Variants in CRY1 observed in about 807,000 individuals in gnomAD.
CRY1 encodes the protein cryptochrome circadian regulator 1, also known as cryptochrome-1.
CRY1 carries 45 observed loss-of-function variants against 76.0 expected under a neutral mutation model. The observed-to-expected ratio is 0.59, with a 90% CI of 0.47 to 0.76. The LOEUF is 0.76. Ranked by LOEUF, CRY1 falls within the 30% of genes least tolerant of loss-of-function variation. The probability of loss-of-function intolerance (pLI) is 0.00; values close to 1 mark genes in which losing one functional copy is unlikely to be tolerated. For synonymous variants in CRY1, 248 were observed against 244.0 expected, an observed-to-expected ratio of 1.02 and a Z score of -0.15; for missense variants, 587 against 716.4, an observed-to-expected ratio of 0.82 and a Z score of 2.06.
chr12:107,046,292 CAA>C (rs35146852), intron 1 of CRY1, among the ~76,000 whole-genome samples: 29 of 145,884 alleles, frequency 2.0e-4, no homozygotes, highest in South Asian at 4.4e-4. Context: ...GACTTTGCCT[CAA>C]AAAAAAAAAA....
At chr12:107,002,484 G>C (rs1329223817) in intron 3 of CRY1, among the ~76,000 whole-genome samples, 1 of 152,180 alleles carries the variant, frequency 6.6e-6, no homozygotes, top group Non-Finnish European at 1.5e-5. Flanking sequence ...TAGTGAAGCA[G>C]ATTAACATAT....
At position 107,067,238 on chromosome 12, in the gene CRY1, C is replaced by T. The variant is rs535885007; in HGVS notation, c.158+25566G>A. Among the ~76,000 whole-genome samples, 10 of 152,196 alleles carry T rather than the reference C, an allele frequency of 6.6e-5. No homozygotes were observed. In the East Asian group the frequency reaches 1.9e-3, roughly 29 times the overall value. ...AAAAGAAGAATATGAGAAAGAGACC[C>T]TATGTGTGGCTCACAAAGCTGAAAA... On this transcript the variant is annotated intron_variant, in intron 1 of 12. Coordinates refer to ENST00000008527, the MANE Select transcript of CRY1 (RefSeq NM_004075.5).
chr12:107,058,709 C>T (rs1953013956), intron 1 of CRY1, among the ~76,000 whole-genome samples: 5 of 152,122 alleles, frequency 3.3e-5, no homozygotes, highest in Admixed American at 2.0e-4. Flanking sequence ...GTAAATGATG[C>T]TTTTTGCGAA....
chr12:107,066,663 A>G (rs907562589), intron 1 of CRY1, among the ~76,000 whole-genome samples: 4 of 152,042 alleles, frequency 2.6e-5, no homozygotes, highest in Non-Finnish European at 4.4e-5. Flanking sequence ...ATGGGGTTTC[A>G]CCATATTGCC....
chr12:107,061,900 G>A (rs1049451114), intron 1 of CRY1, among the ~76,000 whole-genome samples: 1 of 151,766 alleles, frequency 6.6e-6, no homozygotes, highest in African/African-American at 2.4e-5. Context: ...GCACAGTGGT[G>A]TAGTCCCAGC....
chr12:107,072,017 TG>T lies in CRY1; in HGVS notation c.158+20786del, dbSNP rs199642755. 6.2e-3 allele frequency among the ~76,000 whole-genome samples: 944 copies of T among 152,292 alleles called. 6 individuals are homozygous for T. Among genetic ancestry groups the T allele is most frequent in the Non-Finnish European group, 8.6e-3 (585 of 68,016 alleles). ...AGGTCATACAAACAAAAAAAAGCAT[TG>T]GAAGAATATAGGAGTATTTCATGGA... On this transcript the variant is annotated intron_variant, in intron 1 of 12. Coordinates refer to ENST00000008527, the MANE Select transcript of CRY1 (RefSeq NM_004075.5).
In CRY1 at chr12:106,999,811, G is replaced by A. The variant is rs775955499; in HGVS notation, c.877C>T (p.Arg293Cys). The A allele has an allele frequency of 6.2e-7, 1 of 1,614,078 alleles. No homozygotes were observed. Among genetic ancestry groups the A allele is most frequent in the South Asian group, 1.1e-5 (1 of 91,072 alleles). The change falls in exon 7 of 13, where the codon CGT becomes TGT. Residue 293 changes from arginine (R) to cysteine (C), a missense_variant. Coordinates refer to ENST00000008527, the MANE Select transcript of CRY1 (RefSeq NM_004075.5). ...PLSLYGQLLWREFFYTAATNN... is the reference protein window; with the variant it reads ...PLSLYGQLLWCEFFYTAATNN... The stretch of plus-strand genomic sequence containing the variant: ...GTTGCTGCTGTATAGAAAAATTCAC[G>A]CCATAACAGTTGCCCATAAAGGGAA...
At chr12:107,025,965 C>CT (rs1390238156) in intron 1 of CRY1, among the ~76,000 whole-genome samples, 1 of 150,720 alleles carries the variant, frequency 6.6e-6, no homozygotes, top group Non-Finnish European at 1.5e-5. Context: ...ATTCCTATCC[C>CT]TTTAAGTTCA....
At chr12:107,054,663 A>AG (rs146641456) in intron 1 of CRY1, among the ~76,000 whole-genome samples, 1 of 150,838 alleles carries the variant, frequency 6.6e-6, no homozygotes, top group African/African-American at 2.4e-5. Context: ...AAAAAAAAAA[A>AG]GGGATACAAA....
intron 1 of CRY1, among the ~76,000 whole-genome samples, chr12:107,031,951 T>C (rs961877513): frequency 3.3e-5 from 5 of 152,224 alleles, no homozygotes; most frequent in African/African-American, 1.2e-4. Flanking sequence ...CTTTTTCTTT[T>C]GAGAGGGAGT....
At chr12:107,014,554 G>T (rs1212640183) in intron 2 of CRY1, among the ~76,000 whole-genome samples, 1 of 150,442 alleles carries the variant, frequency 6.6e-6, no homozygotes, top group Non-Finnish European at 1.5e-5. Context: ...CTATTTCATT[G>T]ATTCCCGTTC....
intron 1 of CRY1, among the ~76,000 whole-genome samples, chr12:107,040,270 CCTTTTT>C (rs1952781893): frequency 1.1e-5 from 1 of 92,780 alleles, no homozygotes; most frequent in Non-Finnish European, 2.3e-5. Flanking sequence ...TACTTTCTTT[CCTTTTT>C]TTTTTTTTTA....
intron 1 of CRY1, among the ~76,000 whole-genome samples, chr12:107,065,287 T>A (rs964247636): frequency 1.3e-5 from 2 of 150,656 alleles, no homozygotes; most frequent in Admixed American, 6.6e-5. Flanking sequence ...AGAGTGAGAC[T>A]CTGTCTGAAA....
At chr12:107,069,613 A>AAAGTATATATAT (rs1565842756) in intron 1 of CRY1, among the ~76,000 whole-genome samples, 12,646 of 74,608 alleles carry the variant, frequency 0.17, 1,618 homozygotes, top group East Asian at 0.47. Context: ...TATATATATA[A>AAAGTATATATAT]AAAGTATATA....
intron 1 of CRY1, among the ~76,000 whole-genome samples, chr12:107,024,390 G>T (rs968266394): frequency 6.6e-6 from 1 of 151,862 alleles, no homozygotes; most frequent in Admixed American, 6.6e-5. Context: ...TAAGCATTCC[G>T]AATGCTTTTA....
Position 106,999,748 on chromosome 12 carries a change from T to TA in CRY1, c.939dup (p.Ile314TyrfsTer9). 6.2e-7 allele frequency: 1 copy of TA among 1,614,232 alleles called. No individual in the cohort carries two copies. Among genetic ancestry groups the TA allele is most frequent in the Non-Finnish European group, 8.5e-7 (1 of 1,180,038 alleles). ...TTATCCCAAGGAATCTGAACACAGA[T>TA]AGGGTTTCCTTCCATTTTATCAAAG... On this transcript the variant is annotated frameshift_variant, in exon 7 of 13. Coordinates refer to ENST00000008527, the MANE Select transcript of CRY1 (RefSeq NM_004075.5). LOFTEE classifies it high-confidence loss of function.
Position 107,086,654 on chromosome 12 carries a change from T to C in CRY1, c.158+6150A>G, listed in dbSNP as rs375169110. On this transcript the variant is annotated intron_variant, in intron 1 of 12. Transcript: ENST00000008527. Reference sequence around the variant, plus strand: ...CTGCCACTCCAGTGGGTGCAAACCATAGGCCTTGATGGTTTCCAAGTGGTG... The same window carrying C: ...CTGCCACTCCAGTGGGTGCAAACCACAGGCCTTGATGGTTTCCAAGTGGTG... Among the ~76,000 whole-genome samples, 10 of 152,198 alleles carry C rather than the reference T, an allele frequency of 6.6e-5. No individual in the cohort carries two copies. In the South Asian group the frequency reaches 1.2e-3, roughly 19 times the overall value.
intron 1 of CRY1, among the ~76,000 whole-genome samples, chr12:107,088,635 T>C (rs1251853193): frequency 6.6e-6 from 1 of 152,186 alleles, no homozygotes; most frequent in Non-Finnish European, 1.5e-5. Flanking sequence ...GAGAAATAAA[T>C]TCCTGTTGTT....
chr12:107,003,993 A>G (rs1039067530), intron 3 of CRY1, among the ~76,000 whole-genome samples: 1 of 152,000 alleles, frequency 6.6e-6, no homozygotes, highest in Admixed American at 6.6e-5. Context: ...TTTAGTAGAG[A>G]TGAGGGTTTC....
Sources: gnomAD v4.1 joint callset for allele counts (sites outside exome capture counted in the v4.1 genomes callset) on GRCh38, gnomAD v4.1.1 for gene constraint, MANE v1.5 for transcripts, NCBI Gene and HGNC (gene_info 2026-07-23, HGNC 2026-07-21) for gene names.